The following GABRQ variants were observed in gnomAD, a reference collection of about 807,000 sequenced individuals.
The protein encoded by GABRQ is gamma-aminobutyric acid receptor subunit theta.
GABRQ carries 19 observed loss-of-function variants against 30.5 expected under a neutral mutation model. That is an observed-to-expected ratio of 0.62 (90% CI 0.43 to 0.91). GABRQ has a LOEUF of 0.91. Among genes scored for constraint, GABRQ ranks in the 40% least tolerant of loss-of-function variants. The pLI is 0.00. For missense variants in GABRQ, 520 were observed against 521.4 expected (o/e 1.00, Z 0.03); for synonymous variants, 187 against 210.2 (o/e 0.89, Z 0.95).
At chrX:152,639,291 G>A (rs1369980275) in intron 1 of GABRQ, among the ~76,000 whole-genome samples, 1 of 102,192 alleles carries the variant, frequency 9.8e-6, no homozygotes, top group Non-Finnish European at 2.0e-5. Flanking sequence ...GGGGGGGGGT[G>A]TTTGGCAAGG....
chrX:152,644,638 G>A (rs1930842441), intron 2 of GABRQ, among the ~76,000 whole-genome samples: 1 of 111,578 alleles, frequency 9.0e-6, no homozygotes, highest in Admixed American at 9.5e-5. Flanking sequence ...ACTCACACAT[G>A]GACATACTCA....
At chrX:152,651,275 G>A (rs782228691) in intron 7 of GABRQ, among the ~76,000 whole-genome samples, 3 of 112,475 alleles carry the variant, frequency 2.7e-5, no homozygotes, top group East Asian at 5.6e-4. Flanking sequence ...ATAGGCCAAG[G>A]TGGGGCTGAA....
chrX:152,647,280 G>A (rs1383085644), intron 4 of GABRQ, 112 bp downstream of exon 4: 14 of 530,428 alleles, frequency 2.6e-5, no homozygotes, highest in South Asian at 6.1e-5. Flanking sequence ...TTCCAAACCC[G>A]TCTTGAACTT....
At chrX:152,649,510 G>A (rs1370757893) in intron 5 of GABRQ, among the ~76,000 whole-genome samples, 177 bp downstream of exon 5, 3 of 111,809 alleles carry the variant, frequency 2.7e-5, no homozygotes, top group African/African-American at 9.8e-5. Flanking sequence ...AATAAAGAGA[G>A]AAAGATGGTG....
At chrX:152,639,380 A>ACACACGCG (rs1365600313) in intron 1 of GABRQ, among the ~76,000 whole-genome samples, 20 of 84,469 alleles carry the variant, frequency 2.4e-4, no homozygotes, top group African/African-American at 7.7e-4. Context: ...GCGCGTGCGC[A>ACACACGCG]CACACACACA....
At chrX:152,642,205 G>A (rs782054743) in intron 2 of GABRQ, among the ~76,000 whole-genome samples, 1 of 111,893 alleles carries the variant, frequency 8.9e-6, no homozygotes, top group African/African-American at 3.3e-5. Context: ...TGGTGCGTGT[G>A]GGAAGAGAGA....
chrX:152,645,636 C>T, intron 3 of GABRQ, 42 bp downstream of exon 3: 1 of 764,908 alleles, frequency 1.3e-6, no homozygotes, highest in Non-Finnish European at 2.0e-6. Context: ...GAACAGAGGA[C>T]ATGGAACAAG....
intron 5 of GABRQ, 101 bp downstream of exon 5, chrX:152,649,434 GCTCC>G: frequency 1.9e-6 from 1 of 539,655 alleles, no homozygotes; most frequent in Non-Finnish European, 3.4e-6. Flanking sequence ...TATCTCCTGT[GCTCC>G]CTCCCTCCCC....
chrX:152,640,264 C>G, intron 1 of GABRQ, 114 bp from the exon 2 acceptor site: 2 of 544,021 alleles, frequency 3.7e-6, no homozygotes, highest in South Asian at 2.4e-5. Flanking sequence ...AGTGTGTACA[C>G]GTATGACTGG....
Position 152,653,253 on chromosome X carries a change from T to C in GABRQ, c.1871T>C (p.Ile624Thr), listed in dbSNP as rs1556820685. ...LFPLAFGLFNIVYWVYHMY is the reference protein window; with the variant it reads ...LFPLAFGLFNTVYWVYHMY ...CCTCTGGCCTTTGGGTTGTTCAACA[T>C]TGTTTACTGGGTATACCATATGTAT... is the stretch of plus-strand genomic sequence containing the variant. The change falls in exon 9 of 9, where the codon ATT becomes ACT. Residue 624 changes from isoleucine to threonine, a missense_variant. Transcript: ENST00000598523. The C allele has an allele frequency of 1.7e-6, 2 of 1,203,550 alleles. No individual in the cohort carries two copies. Among genetic ancestry groups the C allele is most frequent in the South Asian group, 1.8e-5 (1 of 56,485 alleles).
chrX:152,653,705 CAT>C lies in GABRQ; in HGVS notation c.*425_*426del, dbSNP rs1556820816. The C allele has an allele frequency of 8.2e-6, 1 of 121,530 alleles. No individual in the cohort carries two copies. The highest frequency in any genetic ancestry group is 1.7e-5 in the Non-Finnish European group (1 of 59,822). 10.0% of individuals were successfully genotyped at this position (121,530 alleles called of 1,213,427 possible). On this transcript the variant is annotated 3_prime_UTR_variant, in exon 9 of 9. Transcript: ENST00000598523. The stretch of plus-strand genomic sequence containing the variant: ...AGGTGTCAACATTTCTTTTTCATTA[CAT>C]GTTTTCTTCTTTTTTTGTTTCCTCC...
At position 152,637,930 on chromosome X, in the gene GABRQ, C is replaced by T. The variant is rs1383282343; in HGVS notation, c.-273C>T. Among the ~76,000 whole-genome samples, 2 of 113,430 alleles carry T rather than the reference C, an allele frequency of 1.8e-5. No homozygotes were observed. The highest frequency in any genetic ancestry group is 3.7e-5 in the Non-Finnish European group (2 of 53,368). On this transcript the variant is annotated 5_prime_UTR_variant, in exon 1 of 9. Coordinates refer to ENST00000598523, the MANE Select transcript of GABRQ (RefSeq NM_018558.4). Reference sequence around the variant, plus strand: ...AGGAGCGGCCGCAGACGGAGCGCACCTCGCAGCTGCCGGGCGGGCCCTGGG... The same window carrying T: ...AGGAGCGGCCGCAGACGGAGCGCACTTCGCAGCTGCCGGGCGGGCCCTGGG...
intron 1 of GABRQ, 94 bp from the exon 2 acceptor site, chrX:152,640,284 C>T (rs1255583529): frequency 5.3e-6 from 3 of 567,581 alleles, no homozygotes; most frequent in South Asian, 2.3e-5. Context: ...GACATGTCTG[C>T]GTATGTGCTG....
chrX:152,639,379 C>T (rs1227578695), intron 1 of GABRQ, among the ~76,000 whole-genome samples: 3 of 63,700 alleles, frequency 4.7e-5, no homozygotes, highest in Admixed American at 2.8e-4. Context: ...TGCGCGTGCG[C>T]ACACACACAC....
intron 8 of GABRQ, 115 bp downstream of exon 8, chrX:152,651,897 C>T (rs782798834): frequency 4.1e-4 from 261 of 639,810 alleles, no homozygotes; most frequent in Admixed American, 5.1e-4. Flanking sequence ...CACACATGCG[C>T]GCACACGCAA....
chrX:152,640,057 CTCT>C (rs1769878216), intron 1 of GABRQ, among the ~76,000 whole-genome samples: 3 of 111,360 alleles, frequency 2.7e-5, no homozygotes, highest in African/African-American at 9.8e-5. Context: ...CATCTGCCCA[CTCT>C]TCTTCGTCTC....
rs192385063 is a variant in GABRQ at position 152,648,096 on chromosome X, G to A, written c.527+928G>A. ...AATTAGCTGAATAATGCTGCATGGA[G>A]GATTCATAGAAGGGAGAAAAACACA... On this transcript the variant is annotated intron_variant, in intron 4 of 8. Coordinates refer to ENST00000598523, the MANE Select transcript of GABRQ (RefSeq NM_018558.4). 8.0e-5 allele frequency among the ~76,000 whole-genome samples: 9 copies of A among 112,014 alleles called. No individual in the cohort carries two copies. In the East Asian group the frequency reaches 1.4e-3, roughly 18 times the overall value.
At chrX:152,640,001 TG>T (rs1876968331) in intron 1 of GABRQ, among the ~76,000 whole-genome samples, 1 of 111,536 alleles carries the variant, frequency 9.0e-6, no homozygotes, top group Admixed American at 9.4e-5. Context: ...GATTGCAAGA[TG>T]GGGCTCTTGA....
chrX:152,652,215 G>C (rs1931040046), intron 8 of GABRQ, among the ~76,000 whole-genome samples: 1 of 113,047 alleles, frequency 8.8e-6, no homozygotes, highest in Admixed American at 9.3e-5. Flanking sequence ...TTAATGCCCA[G>C]CTACCTCCCT....
Sources: allele counts gnomAD v4.1 joint callset (sites outside exome capture counted in the v4.1 genomes callset), GRCh38; gene constraint gnomAD v4.1.1; transcripts MANE v1.5; gene names NCBI Gene and HGNC (gene_info 2026-07-23, HGNC 2026-07-21).